Variants in COL5A2 observed in about 807,000 individuals in gnomAD.
The protein encoded by COL5A2 is collagen type V alpha 2 chain, also known as collagen alpha-2(V) chain.
Under a neutral mutation model 208.2 loss-of-function variants are expected in COL5A2, and 23 were observed. The ratio of observed to expected loss-of-function variants is 0.11; its 90% CI spans 0.08 to 0.16. The LOEUF (loss-of-function observed/expected upper bound fraction) is 0.16. Among genes scored for constraint, COL5A2 ranks in the 10% least tolerant of loss-of-function variants. The pLI, the probability that COL5A2 is intolerant of heterozygous loss-of-function variation, is 1.00. For missense variants in COL5A2, 1,590 were observed against 1,956.4 expected (o/e 0.81, Z 3.53); for synonymous variants, 625 against 628.5 (o/e 0.99, Z 0.08).
chr2:189,241,259 T>C, the COL5A2 span, among the ~76,000 whole-genome samples: 1 of 152,172 alleles, frequency 6.6e-6, no homozygotes, highest in South Asian at 2.1e-4. Flanking sequence ...TTAAATTGAA[T>C]GAACAACTAC....
chr2:189,186,973 T>C (rs1688861259), intron 1 of COL5A2, among the ~76,000 whole-genome samples: 1 of 152,208 alleles, frequency 6.6e-6, no homozygotes, highest in Admixed American at 6.5e-5. Context: ...ATACTTATAT[T>C]TTAGCTTAGT....
chr2:189,106,552 T>C (rs917955975), intron 2 of COL5A2, among the ~76,000 whole-genome samples: 1 of 151,296 alleles, frequency 6.6e-6, no homozygotes, highest in African/African-American at 2.4e-5. Context: ...AAATGGATAG[T>C]TTTTGCTCCT....
At chr2:189,258,003 A>ACTCAGGAGG in the COL5A2 span, among the ~76,000 whole-genome samples, 350 of 152,132 alleles carry the variant, frequency 2.3e-3, no homozygotes, top group African/African-American at 8.1e-3. Context: ...AGTCCCAGCT[A>ACTCAGGAGG]CTCAGGAGGC....
intron 1 of COL5A2, among the ~76,000 whole-genome samples, chr2:189,173,998 T>C (rs1204218420): frequency 6.6e-6 from 1 of 152,234 alleles, no homozygotes; most frequent in African/African-American, 2.4e-5. Flanking sequence ...TCCATGTCCA[T>C]ACATTTTAAG....
chr2:189,421,868 G>A, the COL5A2 span, among the ~76,000 whole-genome samples: 3 of 152,114 alleles, frequency 2.0e-5, no homozygotes, highest in African/African-American at 7.2e-5. Context: ...GCACATCCCA[G>A]CTCCACACCA....
At chr2:189,152,225 A>T (rs1576558834) in intron 1 of COL5A2, among the ~76,000 whole-genome samples, 1 of 152,328 alleles carries the variant, frequency 6.6e-6, no homozygotes, top group Non-Finnish European at 1.5e-5. Flanking sequence ...ATAATTTAAA[A>T]TACAAGATGA....
At chr2:189,264,168 A>G in the COL5A2 span, among the ~76,000 whole-genome samples, 1 of 152,118 alleles carries the variant, frequency 6.6e-6, no homozygotes, top group South Asian at 2.1e-4. Flanking sequence ...TAATAGCAAA[A>G]ATACAAAGAA....
At chr2:189,408,432 A>ATAC in the COL5A2 span, among the ~76,000 whole-genome samples, 1 of 152,164 alleles carries the variant, frequency 6.6e-6, no homozygotes, top group Non-Finnish European at 1.5e-5. Context: ...TAGAGTTGCC[A>ATAC]TACTACATTA....
the COL5A2 span, among the ~76,000 whole-genome samples, chr2:189,310,972 AC>A: frequency 6.6e-6 from 1 of 152,134 alleles, no homozygotes; most frequent in East Asian, 1.9e-4. Flanking sequence ...TTTAATGAGT[AC>A]AAAAAAAAAT....
the COL5A2 span, among the ~76,000 whole-genome samples, chr2:189,429,456 G>C: frequency 2.6e-5 from 4 of 152,174 alleles, no homozygotes; most frequent in South Asian, 8.3e-4. Flanking sequence ...TGACTCTAAG[G>C]TGATGCCTGG....
chr2:189,164,660 T>A (rs906139488), intron 1 of COL5A2, among the ~76,000 whole-genome samples: 1 of 152,182 alleles, frequency 6.6e-6, no homozygotes, highest in African/African-American at 2.4e-5. Flanking sequence ...TAATAACACC[T>A]TTATGTAATA....
At chr2:189,363,589 G>A in the COL5A2 span, among the ~76,000 whole-genome samples, 1 of 151,496 alleles carries the variant, frequency 6.6e-6, no homozygotes, top group Non-Finnish European at 1.5e-5. Flanking sequence ...ATTACTTACG[G>A]AAATAATAAT....
chr2:189,398,237 A>G, the COL5A2 span, among the ~76,000 whole-genome samples: 5 of 152,118 alleles, frequency 3.3e-5, no homozygotes, highest in East Asian at 1.9e-4. Context: ...AATGTTTTAT[A>G]TAAGTTTTCT....
the COL5A2 span, among the ~76,000 whole-genome samples, chr2:189,372,054 C>A: frequency 3.3e-5 from 5 of 152,194 alleles, no homozygotes; most frequent in Non-Finnish European, 7.3e-5. Flanking sequence ...CATTGCCCTG[C>A]ACAGCCTGAA....
At chr2:189,414,911 C>T in the COL5A2 span, among the ~76,000 whole-genome samples, 16 of 152,016 alleles carry the variant, frequency 1.1e-4, no homozygotes, top group Admixed American at 1.0e-3. Context: ...GCAGCGCTTC[C>T]TCCATATGAC....
chr2:189,335,811 T>G, the COL5A2 span, among the ~76,000 whole-genome samples: 8 of 152,098 alleles, frequency 5.3e-5, no homozygotes, highest in African/African-American at 1.9e-4. Flanking sequence ...TGAGATGTGA[T>G]GAAAATGTTT....
the COL5A2 span, among the ~76,000 whole-genome samples, chr2:189,417,164 C>T: frequency 3.3e-5 from 5 of 151,956 alleles, no homozygotes; most frequent in African/African-American, 7.3e-5. Context: ...TTTGATGTTG[C>T]GATTACTTAA....
At chr2:189,383,990 T>C in the COL5A2 span, among the ~76,000 whole-genome samples, 2 of 152,282 alleles carry the variant, frequency 1.3e-5, no homozygotes, top group Non-Finnish European at 2.9e-5. Flanking sequence ...CTCCCACGTA[T>C]GAGTGAGAAC....
At chr2:189,247,776 C>T in the COL5A2 span, among the ~76,000 whole-genome samples, 3 of 152,060 alleles carry the variant, frequency 2.0e-5, no homozygotes, top group Non-Finnish European at 2.9e-5. Context: ...GACAGGGTTT[C>T]ACCAAGTTGG....
Sources: allele counts gnomAD v4.1 joint callset (sites outside exome capture counted in the v4.1 genomes callset), GRCh38; gene constraint gnomAD v4.1.1; transcripts MANE v1.5; gene names NCBI Gene and HGNC (gene_info 2026-07-23, HGNC 2026-07-21).